Variants in PXDNL observed in about 807,000 individuals in gnomAD.
PXDNL encodes probable oxidoreductase PXDNL.
Under a neutral mutation model 150.8 loss-of-function variants are expected in PXDNL, and 145 were observed. The observed-to-expected ratio is 0.96, with a 90% CI of 0.84 to 1.10. The LOEUF (loss-of-function observed/expected upper bound fraction) is 1.10, where lower values mean the gene tolerates loss of function less well. Among genes scored for constraint, PXDNL ranks in the 50% least tolerant of loss-of-function variants. The pLI is 0.00. For synonymous variants in PXDNL, 757 were observed against 725.7 expected (o/e 1.04, Z -0.69); for missense variants, 2,087 against 1,873.9 (o/e 1.11, Z -2.10).
In PXDNL at chr8:51,528,922, T is replaced by C. The variant is rs191034342; in HGVS notation, c.380+27918A>G. Among the ~76,000 whole-genome samples the C allele has an allele frequency of 1.2e-4, 19 of 152,278 alleles. No homozygotes were observed. In the East Asian group the frequency reaches 3.7e-3, roughly 29 times the overall value. ...GAGCACACCCATGCTGACACTTAGATTTAGCCAGGCAAGACCCACATGGAA... is the reference window on the plus strand; with the variant it reads ...GAGCACACCCATGCTGACACTTAGACTTAGCCAGGCAAGACCCACATGGAA... On this transcript the variant is annotated intron_variant, in intron 4 of 22. Coordinates refer to ENST00000356297, the MANE Select transcript of PXDNL (RefSeq NM_144651.5).
intron 4 of PXDNL, among the ~76,000 whole-genome samples, chr8:51,512,608 A>C (rs1189827678): frequency 6.6e-6 from 1 of 152,242 alleles, no homozygotes; most frequent in Non-Finnish European, 1.5e-5. Flanking sequence ...GATAAAATGC[A>C]GAAACAGCCA....
At chr8:51,565,456 A>G (rs1034302302) in intron 3 of PXDNL, among the ~76,000 whole-genome samples, 3 of 151,854 alleles carry the variant, frequency 2.0e-5, no homozygotes, top group African/African-American at 7.2e-5. Context: ...TGATGCAGGT[A>G]TCTGGTGATG....
intron 2 of PXDNL, among the ~76,000 whole-genome samples, chr8:51,632,739 A>C (rs940586244): frequency 1.3e-5 from 2 of 152,230 alleles, no homozygotes; most frequent in African/African-American, 4.8e-5. Flanking sequence ...AGTATTAATA[A>C]GCTTTAATAG....
intron 4 of PXDNL, among the ~76,000 whole-genome samples, chr8:51,510,369 T>A (rs770412159): frequency 4.6e-5 from 7 of 152,168 alleles, no homozygotes; most frequent in Non-Finnish European, 1.0e-4. Context: ...AAAAATTGAA[T>A]TATTTGAGGA....
intron 5 of PXDNL, among the ~76,000 whole-genome samples, chr8:51,488,168 AT>A (rs748376852): frequency 1.3e-5 from 2 of 152,250 alleles, no homozygotes; most frequent in Non-Finnish European, 2.9e-5. Flanking sequence ...ATAAGAAAAA[AT>A]ATATCCATAT....
chr8:51,704,722 CT>C (rs1314909254), intron 1 of PXDNL, among the ~76,000 whole-genome samples: 2 of 152,126 alleles, frequency 1.3e-5, no homozygotes, highest in African/African-American at 4.8e-5. Context: ...CTTGCAACCT[CT>C]GATTTCTAAT....
At chr8:51,333,045 C>A (rs922065306) in intron 21 of PXDNL, among the ~76,000 whole-genome samples, 1 of 152,112 alleles carries the variant, frequency 6.6e-6, no homozygotes, top group Admixed American at 6.5e-5. Flanking sequence ...ATCAGGTTAT[C>A]CAAAGTTAAG....
chr8:51,422,990 A>G (rs1211505972), intron 14 of PXDNL, among the ~76,000 whole-genome samples: 1 of 152,248 alleles, frequency 6.6e-6, no homozygotes, highest in Admixed American at 6.5e-5. Flanking sequence ...TTTTTATAAG[A>G]CTACAGTAAA....
intron 1 of PXDNL, among the ~76,000 whole-genome samples, chr8:51,676,583 ATCTTTGACCACCAGTC>A (rs752800783): frequency 0.032 from 4,912 of 152,034 alleles, 276 homozygotes; most frequent in African/African-American, 0.11. Context: ...GGCCGGACTC[ATCTTTGACCACCAGTC>A]CTCCCTATCC....
chr8:51,329,508 G>A (rs74819519), intron 21 of PXDNL, among the ~76,000 whole-genome samples: 4,805 of 152,198 alleles, frequency 0.032, 243 homozygotes, highest in African/African-American at 0.11. Context: ...TGCTCCAAAG[G>A]AAGGGAAAAA....
rs193150098 is a variant in PXDNL, at chr8:51,594,242, T to C, written c.237-1544A>G. Reference sequence around the variant, plus strand: ...GCATGTCTGCTATGATGCATGTGTATGTGTGGTATGTGACACATGTATATA... The same window carrying C: ...GCATGTCTGCTATGATGCATGTGTACGTGTGGTATGTGACACATGTATATA... On this transcript the variant is annotated intron_variant, in intron 2 of 22. Transcript: ENST00000356297. Among the ~76,000 whole-genome samples the C allele has an allele frequency of 7.2e-5, 11 of 152,362 alleles. No homozygotes were observed. In the East Asian group the frequency reaches 2.1e-3, roughly 29 times the overall value.
At chr8:51,349,361 A>G (rs1431619) in intron 19 of PXDNL, among the ~76,000 whole-genome samples, 112,887 of 152,158 alleles carry the variant, frequency 0.74, 42,389 homozygotes, top group East Asian at 0.94. Context: ...TCCACAGCCA[A>G]TGATCCTGCT....
chr8:51,417,276 A>C (rs1808824438), intron 14 of PXDNL, among the ~76,000 whole-genome samples: 1 of 152,224 alleles, frequency 6.6e-6, no homozygotes, highest in Non-Finnish European at 1.5e-5. Flanking sequence ...AATGAGAAAA[A>C]GGCTTCAGTA....
intron 19 of PXDNL, among the ~76,000 whole-genome samples, chr8:51,364,765 G>A (rs536668545): frequency 1.2e-4 from 18 of 152,186 alleles, no homozygotes; most frequent in Non-Finnish European, 1.8e-4. Flanking sequence ...TGCTGCCATC[G>A]GTTATGGAGA....
At chr8:51,588,894 C>T (rs1813381879) in intron 3 of PXDNL, among the ~76,000 whole-genome samples, 1 of 152,132 alleles carries the variant, frequency 6.6e-6, no homozygotes, top group Non-Finnish European at 1.5e-5. Context: ...TAAAGAATGG[C>T]ATGCACCTGG....
intron 17 of PXDNL, among the ~76,000 whole-genome samples, chr8:51,399,670 A>T (rs1808189190): frequency 6.6e-6 from 1 of 152,216 alleles, no homozygotes; most frequent in Admixed American, 6.5e-5. Context: ...AGAGGTATGA[A>T]TATTGTTCAA....
Position 51,633,372 on chromosome 8 carries a change from C to A in PXDNL, c.236+21317G>T, listed in dbSNP as rs1186749397. 2.0e-5 allele frequency among the ~76,000 whole-genome samples: 3 copies of A among 152,058 alleles called. No homozygotes were observed. The East Asian group carries it at 5.8e-4, about 29-fold the overall frequency. The stretch of plus-strand genomic sequence containing the variant: ...ATAATGAACATATGAATGCATGTGT[C>A]TTTTTGGTAGTACAGTTGTTTTTCC... On this transcript the variant is annotated intron_variant, in intron 2 of 22. Coordinates refer to ENST00000356297, the MANE Select transcript of PXDNL (RefSeq NM_144651.5).
At chr8:51,779,002 T>G (rs1264006323) in intron 1 of PXDNL, among the ~76,000 whole-genome samples, 1 of 152,190 alleles carries the variant, frequency 6.6e-6, no homozygotes, top group African/African-American at 2.4e-5. Context: ...TTTTTTCCAC[T>G]TCAGGGATAT....
At chr8:51,420,074 C>T (rs1196637488) in intron 14 of PXDNL, among the ~76,000 whole-genome samples, 2 of 152,088 alleles carry the variant, frequency 1.3e-5, no homozygotes, top group South Asian at 2.1e-4. Context: ...TTATATAATG[C>T]GTAGATGGTT....
Sources: gnomAD v4.1 joint callset for allele counts (sites outside exome capture counted in the v4.1 genomes callset) on GRCh38, gnomAD v4.1.1 for gene constraint, MANE v1.5 for transcripts, NCBI Gene and HGNC (gene_info 2026-07-23, HGNC 2026-07-21) for gene names.